FBXW8: variants seen among roughly 807,000 people sequenced by gnomAD.
The protein encoded by FBXW8 is F-box and WD repeat domain containing 8, also known as F-box/WD repeat-containing protein 8.
In FBXW8, 57 loss-of-function variants were observed where a neutral mutation model predicts 65.3. That is an observed-to-expected ratio of 0.87 (90% confidence interval 0.71 to 1.09). The LOEUF is 1.09. Ranked by LOEUF, FBXW8 falls within the 50% of genes least tolerant of loss-of-function variation. FBXW8 has a pLI of 0.00. For missense variants in FBXW8, 777 were observed against 814.8 expected, an observed-to-expected ratio of 0.95 and a Z score of 0.57; for synonymous variants, 308 against 330.2, an observed-to-expected ratio of 0.93 and a Z score of 0.73.
At position 117,030,843 on chromosome 12, in the gene FBXW8, GA is replaced by G. The variant is rs550112890; in HGVS notation, c.*2674del. The G allele has an allele frequency of 8.3e-4, 126 of 152,296 alleles. No homozygotes were observed. Among genetic ancestry groups the G allele is most frequent in the African/African-American group, 2.8e-3 (117 of 41,524 alleles). 9.4% of individuals were successfully genotyped at this position (152,296 alleles called of 1,614,324 possible). A position where few individuals can be genotyped will look rare whatever the true frequency, so the allele number is the denominator to read the frequency against. On this transcript the variant is annotated 3_prime_UTR_variant, in exon 11 of 11. Coordinates refer to ENST00000652555, the MANE Select transcript of FBXW8 (RefSeq NM_153348.3). ...TCCTGGAATCAATCACACTGACAGGGAAAGGATAAATGCTCCTTTATAAGCC... is the reference window on the plus strand; with the variant it reads ...TCCTGGAATCAATCACACTGACAGGGAAGGATAAATGCTCCTTTATAAGCC...
At chr12:116,938,456 A>G (rs2096334729) in intron 2 of FBXW8, among the ~76,000 whole-genome samples, 1 of 152,194 alleles carries the variant, frequency 6.6e-6, no homozygotes, top group Non-Finnish European at 1.5e-5. Context: ...CACAACATCA[A>G]TTTTTTGGTC....
chr12:116,920,260 A>G lies in FBXW8; in HGVS notation c.319-7763A>G, dbSNP rs1880786815. ...GAACCTTTTGAAATGATGCCTGTGT[A>G]TACTAGAACAACTTGTGACTTACAT... is the stretch of plus-strand genomic sequence containing the variant. On this transcript the variant is annotated intron_variant, in intron 1 of 10. Transcript: ENST00000652555. Among the ~76,000 whole-genome samples, 6 of 152,240 alleles carry G rather than the reference A, an allele frequency of 3.9e-5. No individual in the cohort carries two copies. In the South Asian group the frequency reaches 1.2e-3, roughly 32 times the overall value.
chr12:116,981,981 G>A (rs1885337197), intron 5 of FBXW8, among the ~76,000 whole-genome samples: 1 of 152,088 alleles, frequency 6.6e-6, no homozygotes, highest in African/African-American at 2.4e-5. Flanking sequence ...AAAGACTTAT[G>A]TTAAAATCCA....
At chr12:116,956,507 G>A (rs1470390631) in intron 4 of FBXW8, among the ~76,000 whole-genome samples, 3 of 152,034 alleles carry the variant, frequency 2.0e-5, no homozygotes, top group South Asian at 2.1e-4. Flanking sequence ...ACACCCTGGC[G>A]TCAGAGTGAG....
intron 3 of FBXW8, 71 bp downstream of exon 3, chr12:116,945,599 C>T: frequency 2.0e-6 from 3 of 1,481,136 alleles, no homozygotes; most frequent in Non-Finnish European, 2.8e-6. Flanking sequence ...AGCTTTCACT[C>T]ATAGCCTGAG....
intron 8 of FBXW8, among the ~76,000 whole-genome samples, chr12:117,011,959 T>C (rs1953829104): frequency 6.6e-6 from 1 of 152,162 alleles, no homozygotes; most frequent in Non-Finnish European, 1.5e-5. Context: ...TGTGTAGGCA[T>C]TGTATTCGCT....
At chr12:116,999,141 C>T (rs1373160313) in intron 7 of FBXW8, among the ~76,000 whole-genome samples, 1 of 152,192 alleles carries the variant, frequency 6.6e-6, no homozygotes, top group Non-Finnish European at 1.5e-5. Context: ...CAGGGTAAAT[C>T]CCCTTTGTAG....
chr12:117,012,623 A>G (rs1482989082), intron 8 of FBXW8, among the ~76,000 whole-genome samples: 1 of 152,222 alleles, frequency 6.6e-6, no homozygotes, highest in Admixed American at 6.5e-5. Context: ...TATGAGTAAG[A>G]TCTCATTAGA....
At chr12:116,942,273 G>A (rs572899828) in intron 2 of FBXW8, among the ~76,000 whole-genome samples, 3 of 150,884 alleles carry the variant, frequency 2.0e-5, no homozygotes, top group South Asian at 4.2e-4. Flanking sequence ...CTCCTGCCTC[G>A]GCCTCCAAAG....
chr12:116,952,910 G>A (rs1324595496), intron 4 of FBXW8, among the ~76,000 whole-genome samples: 1 of 152,132 alleles, frequency 6.6e-6, no homozygotes, highest in African/African-American at 2.4e-5. Context: ...GCTAATTTTT[G>A]TATTTTTAGT....
chr12:116,935,908 T>TA, intron 2 of FBXW8, among the ~76,000 whole-genome samples: 1 of 152,362 alleles, frequency 6.6e-6, no homozygotes, highest in South Asian at 2.1e-4. Context: ...AAGTTGGACT[T>TA]ACACTTTTAT....
chr12:117,028,128 C>A lies in FBXW8; in HGVS notation c.1753C>A (p.His585Asn), dbSNP rs780179599. ...TTCATCCTGTGACGCCATGGCCACT[C>A]ACTACTACGACCTCGCACTGGCCTT... is the stretch of plus-strand genomic sequence containing the variant. ...CRSSCDAMAT[H>N]YYDLALAFPY... is the part of the protein sequence containing the mutation. Residue 585 changes from histidine to asparagine, a missense_variant, in exon 11 of 11, where the codon CAC (histidine) becomes AAC (asparagine). By Grantham distance (68) the His-to-Asn change is moderately conservative. Coordinates refer to ENST00000652555, the MANE Select transcript of FBXW8 (RefSeq NM_153348.3). The surrounding 1 kb of genome is among the most constrained non-coding windows in gnomAD (Gnocchi z 4.1). The A allele has an allele frequency of 3.1e-6, 5 of 1,614,174 alleles. No homozygotes were observed. The highest frequency in any genetic ancestry group is 4.2e-6 in the Non-Finnish European group (5 of 1,180,028).
chr12:116,938,937 C>G (rs973543349), intron 2 of FBXW8, among the ~76,000 whole-genome samples: 1 of 152,180 alleles, frequency 6.6e-6, no homozygotes, highest in African/African-American at 2.4e-5. Flanking sequence ...TCCATGGGAT[C>G]TCTGTCACAT....
chr12:117,010,258 G>T (rs1953770638), intron 7 of FBXW8, 65 bp from the exon 8 acceptor site: 1 of 1,608,696 alleles, frequency 6.2e-7, no homozygotes, highest in South Asian at 1.1e-5. Flanking sequence ...ATGGTGAAAT[G>T]AAAGTATTTG....
At chr12:116,958,217 T>G (rs1026426928) in intron 4 of FBXW8, among the ~76,000 whole-genome samples, 1 of 152,246 alleles carries the variant, frequency 6.6e-6, no homozygotes, top group African/African-American at 2.4e-5. Context: ...ACTGTGGGAT[T>G]GAGTTCATTT....
In FBXW8 at chr12:116,918,013, A is replaced by C. The variant is rs188526687; in HGVS notation, c.318+6658A>C. On this transcript the variant is annotated intron_variant, in intron 1 of 10. Transcript: ENST00000652555. ...CCTCAAAAAAAAAAAAACAAAAAAA[A>C]AACAACGCAGGACTCCTCCCAAGCC... is the stretch of plus-strand genomic sequence containing the variant. Among the ~76,000 whole-genome samples, 822 of 151,638 alleles carry C rather than the reference A, an allele frequency of 5.4e-3. 27 individuals are homozygous for C. The highest frequency in any genetic ancestry group is 0.048 in the Admixed American group (732 of 15,196).
intron 7 of FBXW8, among the ~76,000 whole-genome samples, chr12:116,994,284 C>T (rs998450635): frequency 6.6e-6 from 1 of 152,094 alleles, no homozygotes; most frequent in African/African-American, 2.4e-5. Flanking sequence ...AAAGTAGATA[C>T]GCAGACCAAT....
intron 9 of FBXW8, among the ~76,000 whole-genome samples, chr12:117,026,625 C>A (rs1954237125): frequency 6.6e-6 from 1 of 152,232 alleles, no homozygotes; most frequent in African/African-American, 2.4e-5. Context: ...ACAGCACCTC[C>A]TGCTCCTCCC....
chr12:116,982,278 T>C (rs1333922157), intron 5 of FBXW8, among the ~76,000 whole-genome samples: 1 of 152,072 alleles, frequency 6.6e-6, no homozygotes, highest in Non-Finnish European at 1.5e-5. Flanking sequence ...TTTAAACATA[T>C]AAAGACACAA....
Sources: gnomAD v4.1 joint callset for allele counts (sites outside exome capture counted in the v4.1 genomes callset) on GRCh38, gnomAD v4.1.1 for gene constraint, Gnocchi (gnomAD v3.1) non-coding constraint, MANE v1.5 for transcripts, NCBI Gene and HGNC (gene_info 2026-07-23, HGNC 2026-07-21) for gene names.